ZNF124: variants seen among roughly 807,000 people sequenced by gnomAD.
ZNF124 encodes the protein zinc finger protein 124.
ZNF124 carries 25 observed loss-of-function variants against 26.6 expected under a neutral mutation model. That is an observed-to-expected ratio of 0.94 (90% CI 0.68 to 1.31). ZNF124 has a LOEUF of 1.31. Among genes scored for constraint, ZNF124 ranks in the 40% most tolerant of loss-of-function variants. The pLI, the probability that ZNF124 is intolerant of heterozygous loss-of-function variation, is 0.00. For missense variants in ZNF124, 444 were observed against 422.2 expected (o/e 1.05, Z -0.45); for synonymous variants, 129 against 133.3 (o/e 0.97, Z 0.22).
At chr1:247,133,461 A>G (rs76255297) in intron 3 of ZNF124, among the ~76,000 whole-genome samples, 5,043 of 152,090 alleles carry the variant, frequency 0.033, 286 homozygotes, top group African/African-American at 0.11. Flanking sequence ...ATACTCCTCA[A>G]GAAGAACAAC....
At chr1:247,144,930 C>T (rs2103108571) in intron 3 of ZNF124, among the ~76,000 whole-genome samples, 1 of 152,238 alleles carries the variant, frequency 6.6e-6, no homozygotes, top group African/African-American at 2.4e-5. Context: ...CGTTCGCCAC[C>T]ATGCCTGGCT....
downstream of ZNF124, among the ~76,000 whole-genome samples, chr1:247,150,223 T>C (rs575778350): frequency 3.3e-5 from 5 of 152,366 alleles, no homozygotes; most frequent in South Asian, 6.2e-4. Context: ...TCCAATATTA[T>C]CTGTCAACTA....
intron 1 of ZNF124, among the ~76,000 whole-genome samples, chr1:247,165,790 A>T (rs1673747488): frequency 6.6e-6 from 1 of 152,248 alleles, no homozygotes; most frequent in Non-Finnish European, 1.5e-5. Context: ...TACAAACATG[A>T]GAAAAATGAA....
At chr1:247,137,487 CAAAAAAAAAAAAA>C (rs56926662) in intron 3 of ZNF124, among the ~76,000 whole-genome samples, 1 of 81,634 alleles carries the variant, frequency 1.2e-5, no homozygotes, top group Non-Finnish European at 2.4e-5. Context: ...ACTAAAAATA[CAAAAAAAAAAAAA>C]AAAAAAAAAA....
At chr1:247,136,931 A>G (rs938228615) in intron 3 of ZNF124, among the ~76,000 whole-genome samples, 11 of 151,370 alleles carry the variant, frequency 7.3e-5, no homozygotes, top group African/African-American at 2.2e-4. Flanking sequence ...TGGGCAACAG[A>G]GTCAGACCCA....
At position 247,165,711 on chromosome 1, in the gene ZNF124, C is replaced by T. The variant is rs112313743; in HGVS notation, c.31-5898G>A. 7.2e-3 allele frequency among the ~76,000 whole-genome samples: 1,102 copies of T among 152,120 alleles called. 12 individuals are homozygous for T. The highest frequency in any genetic ancestry group is 0.024 in the African/African-American group (1,009 of 41,484). On this transcript the variant is annotated intron_variant, in intron 1 of 3. Coordinates refer to ENST00000543802, the MANE Select transcript of ZNF124 (RefSeq NM_001297568.2). The stretch of plus-strand genomic sequence containing the variant: ...TCTGTAAGAAACTTAAATAAATTAA[C>T]AAGCAAAGAGGAAACAAGAATGAAA...
At chr1:247,161,087 A>G (rs1177083439) in intron 1 of ZNF124, among the ~76,000 whole-genome samples, 7 of 152,248 alleles carry the variant, frequency 4.6e-5, no homozygotes, top group Admixed American at 3.9e-4. Flanking sequence ...AGCAGAAACT[A>G]CTTTTCAAAA....
At chr1:247,149,258 T>C (rs1478282088) in intron 3 of ZNF124, among the ~76,000 whole-genome samples, 1 of 152,220 alleles carries the variant, frequency 6.6e-6, no homozygotes, top group African/African-American at 2.4e-5. Flanking sequence ...TATGAGAATA[T>C]TGATACAGCC....
chr1:247,148,420 G>T (rs957690932), intron 3 of ZNF124, among the ~76,000 whole-genome samples: 1 of 152,154 alleles, frequency 6.6e-6, no homozygotes, highest in African/African-American at 2.4e-5. Flanking sequence ...AACATTCGTG[G>T]ATTTTTTTCT....
intron 3 of ZNF124, among the ~76,000 whole-genome samples, chr1:247,134,494 C>T (rs757752535): frequency 2.0e-5 from 3 of 151,988 alleles, no homozygotes; most frequent in Non-Finnish European, 4.4e-5. Flanking sequence ...CAACAAAGAT[C>T]AAAAAAGACA....
downstream of ZNF124, among the ~76,000 whole-genome samples, chr1:247,153,217 AATT>A (rs1672997911): frequency 6.6e-6 from 1 of 151,982 alleles, no homozygotes; most frequent in Non-Finnish European, 1.5e-5. Flanking sequence ...GATTTTTTTC[AATT>A]ATTAAAAGGT....
At chr1:247,132,393 A>T (rs1050447260) in intron 3 of ZNF124, among the ~76,000 whole-genome samples, 75 of 152,332 alleles carry the variant, frequency 4.9e-4, no homozygotes, top group African/African-American at 1.6e-3. Context: ...CCTCCAAATG[A>T]TCACAACATC....
intron 1 of ZNF124, among the ~76,000 whole-genome samples, chr1:247,162,618 C>CAA (rs201609845): frequency 1.1e-3 from 85 of 78,504 alleles, no homozygotes; most frequent in African/African-American, 2.5e-3. Context: ...TAACCCTTGG[C>CAA]AAAAAAAAAA....
At chr1:247,169,532 C>A (rs1319018827) in intron 1 of ZNF124, among the ~76,000 whole-genome samples, 1 of 152,094 alleles carries the variant, frequency 6.6e-6, no homozygotes, top group Non-Finnish European at 1.5e-5. Context: ...CTCCCAGTGT[C>A]CCCACTGTGT....
In ZNF124 at chr1:247,159,026, T is replaced by G; in HGVS notation, c.198A>C (p.Lys66Asn). 2.5e-6 allele frequency: 4 copies of G among 1,613,622 alleles called. No individual in the cohort carries two copies. Among genetic ancestry groups the G allele is most frequent in the Non-Finnish European group, 3.4e-6 (4 of 1,179,836 alleles). The change falls in exon 3 of 4, where the codon AAA becomes AAC. Residue 66 changes from lysine to asparagine, a missense_variant. Physicochemically the swap from Lys to Asn is moderately conservative, Grantham distance 94. Coordinates refer to ENST00000543802, the MANE Select transcript of ZNF124 (RefSeq NM_001297568.2). ...GEDQSIEDQY[K>N]NSSRNLRHII... is the part of the protein sequence containing the mutation. ...ATTACCTTAGATTTCTTGAAGAATT[T>G]TTGTACTGATCTTCAATGCTCTGGT...
chr1:247,159,958 C>A (rs9793102), intron 1 of ZNF124, 145 bp from the exon 2 acceptor site: 184,974 of 668,538 alleles, frequency 0.28, 33,333 homozygotes, highest in African/African-American at 0.58. Context: ...GTCTACACTT[C>A]CTTTCTCCCA....
At chr1:247,146,026 T>C (rs1396657875) in intron 3 of ZNF124, among the ~76,000 whole-genome samples, 1 of 152,236 alleles carries the variant, frequency 6.6e-6, no homozygotes, top group East Asian at 1.9e-4. Flanking sequence ...GTCTATAGTT[T>C]TTAATGCAAA....
In ZNF124 at chr1:247,155,420, T is replaced by C. The variant is rs1673069693; in HGVS notation, c.*1146A>G. On this transcript the variant is annotated 3_prime_UTR_variant, in exon 4 of 4. Transcript: ENST00000543802. The stretch of plus-strand genomic sequence containing the variant: ...TAAAAAATATTTTTTAAAATGGCTA[T>C]GCAAGAAAAAAGGAAAAGAAATACA... Among the ~76,000 whole-genome samples the C allele has an allele frequency of 1.3e-5, 2 of 151,930 alleles. No individual in the cohort carries two copies. Among genetic ancestry groups the C allele is most frequent in the Admixed American group, 6.5e-5 (1 of 15,276 alleles).
intron 3 of ZNF124, among the ~76,000 whole-genome samples, chr1:247,124,617 C>A (rs528860192): frequency 3.3e-5 from 5 of 152,336 alleles, no homozygotes; most frequent in African/African-American, 1.2e-4. Context: ...CCTTTCCCCC[C>A]AGCCTATGCA....
Sources: gnomAD v4.1 joint callset for allele counts (sites outside exome capture counted in the v4.1 genomes callset) on GRCh38, gnomAD v4.1.1 for gene constraint, MANE v1.5 for transcripts, NCBI Gene and HGNC (gene_info 2026-07-23, HGNC 2026-07-21) for gene names.